The following TULP3 variants were observed in gnomAD, a reference collection of about 807,000 sequenced individuals.
The protein encoded by TULP3 is tubby-related protein 3.
TULP3 carries 38 observed loss-of-function variants against 50.7 expected under a neutral mutation model. That is an observed-to-expected ratio of 0.75 (90% CI 0.58 to 0.98). The LOEUF (loss-of-function observed/expected upper bound fraction) is 0.98. TULP3 is among the 50% of genes least tolerant of loss of function. The pLI, the probability that TULP3 is intolerant of heterozygous loss-of-function variation, is 0.00. For synonymous variants in TULP3, 183 were observed against 196.6 expected (o/e 0.93, Z 0.58); for missense variants, 550 against 568.0 (o/e 0.97, Z 0.32).
chr12:2,899,515 A>G (rs999736983), intron 1 of TULP3, among the ~76,000 whole-genome samples: 2 of 152,174 alleles, frequency 1.3e-5, no homozygotes, highest in Admixed American at 6.5e-5. Context: ...ATATTATTTA[A>G]GAGAGCATTG....
chr12:2,929,087 G>A (rs1354453360), intron 4 of TULP3, among the ~76,000 whole-genome samples: 1 of 150,948 alleles, frequency 6.6e-6, no homozygotes, highest in Non-Finnish European at 1.5e-5. Context: ...GGTGGGCCGA[G>A]ACGGGCGGAT....
At chr12:2,934,606 C>A in intron 8 of TULP3, 45 bp downstream of exon 8, 1 of 1,338,298 alleles carries the variant, frequency 7.5e-7, no homozygotes. Flanking sequence ...TCCTGGTGTC[C>A]TGCTGGCACT....
At chr12:2,893,433 G>C (rs540336372) in intron 1 of TULP3, among the ~76,000 whole-genome samples, 1 of 149,458 alleles carries the variant, frequency 6.7e-6, no homozygotes, top group South Asian at 2.1e-4. Context: ...TGATTCTCCA[G>C]CCTCAGCCTC....
intron 2 of TULP3, among the ~76,000 whole-genome samples, chr12:2,911,281 C>G (rs1472498522): frequency 1.3e-5 from 2 of 151,874 alleles, no homozygotes; most frequent in African/African-American, 4.8e-5. Context: ...ATGAAAACAT[C>G]TCTCTCTGCT....
At chr12:2,907,118 A>T (rs2098182753) in intron 1 of TULP3, among the ~76,000 whole-genome samples, 1 of 151,954 alleles carries the variant, frequency 6.6e-6, no homozygotes, top group Admixed American at 6.6e-5. Flanking sequence ...TGGGCAGATC[A>T]CTTGAGGTCA....
chr12:2,909,410 C>T, intron 1 of TULP3, 119 bp from the exon 2 acceptor site: 1 of 943,088 alleles, frequency 1.1e-6, no homozygotes, highest in African/African-American at 1.7e-5. Context: ...AAGCTGATGC[C>T]TTCTATGAGG....
At position 2,938,212 on chromosome 12, in the gene TULP3, C is replaced by A. The variant is rs774511187; in HGVS notation, c.1122C>A (p.Ser374=). ...CCGTCTGGAACAGTGACACTCAGTC[C>A]TATGTCCTCAACTTCCGTGGCCGGG... The part of the protein sequence containing the change: ...KAPVWNSDTQ[S]YVLNFRGRVT... Residue 374 remains serine (S), a synonymous_variant, in exon 10 of 11, where the codon TCC becomes TCA. Transcript: ENST00000448120. 2 of 1,614,182 alleles carry A rather than the reference C, an allele frequency of 1.2e-6. No homozygotes were observed. The highest frequency in any genetic ancestry group is 1.7e-6 in the Non-Finnish European group (2 of 1,180,038).
At chr12:2,929,644 A>G (rs972965037) in intron 4 of TULP3, among the ~76,000 whole-genome samples, 5 of 151,658 alleles carry the variant, frequency 3.3e-5, no homozygotes, top group African/African-American at 9.7e-5. Flanking sequence ...AGGCTATAGT[A>G]CAGTGGCACA....
At chr12:2,912,870 A>G (rs1054863473) in intron 2 of TULP3, among the ~76,000 whole-genome samples, 1 of 152,172 alleles carries the variant, frequency 6.6e-6, no homozygotes, top group Non-Finnish European at 1.5e-5. Context: ...CTGAAGGGAT[A>G]TACCTACCCA....
At chr12:2,926,210 AG>A (rs975691591) in intron 4 of TULP3, among the ~76,000 whole-genome samples, 2 of 152,158 alleles carry the variant, frequency 1.3e-5, no homozygotes, top group Non-Finnish European at 2.9e-5. Flanking sequence ...ACCAATAAAA[AG>A]GGGGGGTGCC....
intron 2 of TULP3, 29 bp downstream of exon 2, chr12:2,909,609 G>T: frequency 6.3e-7 from 1 of 1,578,246 alleles, no homozygotes; most frequent in African/African-American, 1.4e-5. Context: ...TTTGAAATAG[G>T]TGGCCAACTA....
intron 1 of TULP3, among the ~76,000 whole-genome samples, chr12:2,907,599 G>A (rs1422147295): frequency 6.6e-6 from 1 of 151,676 alleles, no homozygotes; most frequent in Non-Finnish European, 1.5e-5. Context: ...AGTGAGATGA[G>A]TTCAAGCCAC....
Position 2,930,324 on chromosome 12 carries a change from T to C in TULP3, c.471T>C (p.Ser157=), listed in dbSNP as rs2098197219. 1 of 1,611,990 alleles carries C rather than the reference T, an allele frequency of 6.2e-7. No individual in the cohort carries two copies. The highest frequency in any genetic ancestry group is 1.3e-5 in the African/African-American group (1 of 74,896). The change falls in exon 5 of 11, where the codon TCT becomes TCC. Residue 157 remains serine, a synonymous_variant. Coordinates refer to ENST00000448120, the MANE Select transcript of TULP3 (RefSeq NM_003324.5). ...SQSACLERPN[S]ASSQNSTDTG... is the part of the protein sequence containing the mutation. The stretch of plus-strand genomic sequence containing the variant: ...CAGCATGTTTAGAAAGACCCAATTC[T>C]GCATCAAGCCAGAATTCAACCGTAT...
intron 1 of TULP3, among the ~76,000 whole-genome samples, chr12:2,901,302 TTC>T: frequency 9.1e-6 from 1 of 110,202 alleles, no homozygotes; most frequent in African/African-American, 3.8e-5. Context: ...TTTTCTTTCT[TTC>T]TTTCTTTCTT....
chr12:2,894,420 T>C (rs2098174205), intron 1 of TULP3, among the ~76,000 whole-genome samples: 1 of 151,520 alleles, frequency 6.6e-6, no homozygotes, highest in Admixed American at 6.6e-5. Context: ...CCTATAATCT[T>C]AGCTACTCAG....
Position 2,939,168 on chromosome 12 carries a change from C to G in TULP3, c.1196-143C>G, listed in dbSNP as rs1473065695. On this transcript the variant is annotated intron_variant, in intron 10 of 10. Transcript: ENST00000448120. The surrounding 1 kb of genome is among the most constrained non-coding windows in gnomAD (Gnocchi z 4.0). ...TTGAGCCTGGGACGGGAGGTCAAGG[C>G]TGCAGTGAGCTGTGGTCATTCCACT... 7 of 882,930 alleles carry G rather than the reference C, an allele frequency of 7.9e-6. No homozygotes were observed. The East Asian group carries it at 1.8e-4, about 23-fold the overall frequency. 54.7% of individuals were successfully genotyped at this position (882,930 alleles called of 1,614,324 possible).
chr12:2,891,930 T>C (rs941637743), intron 1 of TULP3, among the ~76,000 whole-genome samples: 1 of 151,926 alleles, frequency 6.6e-6, no homozygotes, highest in Admixed American at 6.6e-5. Context: ...AGTCAATCAA[T>C]TAAAATTTGG....
At chr12:2,907,346 G>A (rs993733041) in intron 1 of TULP3, among the ~76,000 whole-genome samples, 2 of 151,944 alleles carry the variant, frequency 1.3e-5, no homozygotes, top group African/African-American at 4.8e-5. Flanking sequence ...GTAGCAACGT[G>A]CACCTATAGT....
At chr12:2,938,807 C>CA (rs1251817906) in intron 10 of TULP3, among the ~76,000 whole-genome samples, 8 of 151,866 alleles carry the variant, frequency 5.3e-5, no homozygotes, top group Non-Finnish European at 1.2e-4. Context: ...TCAGAGAAGT[C>CA]ATAGAGTAGG....
Sources: gnomAD v4.1 joint callset for allele counts (sites outside exome capture counted in the v4.1 genomes callset) on GRCh38, gnomAD v4.1.1 for gene constraint, Gnocchi (gnomAD v3.1) non-coding constraint, MANE v1.5 for transcripts, NCBI Gene and HGNC (gene_info 2026-07-23, HGNC 2026-07-21) for gene names.